The following ASXL3 variants were observed in gnomAD, a reference collection of about 807,000 sequenced individuals.
The protein encoded by ASXL3 is putative Polycomb group protein ASXL3.
Under a neutral mutation model 170.6 loss-of-function variants are expected in ASXL3, and 34 were observed. The ratio of observed to expected loss-of-function variants is 0.20; its 90% CI spans 0.15 to 0.27. ASXL3 has a LOEUF of 0.27. Ranked by LOEUF, ASXL3 falls within the 10% of genes least tolerant of loss-of-function variation. The pLI is 1.00. For synonymous variants in ASXL3, 1,002 were observed against 989.1 expected (o/e 1.01, Z -0.24); for missense variants, 2,592 against 2,695.3 (o/e 0.96, Z 0.85).
chr18:33,687,786 TAA>T lies in ASXL3; in HGVS notation c.879+4219_879+4220del, dbSNP rs1017182524. Among the ~76,000 whole-genome samples the T allele has an allele frequency of 1.3e-4, 20 of 152,304 alleles. No individual in the cohort carries two copies. The East Asian group carries it at 2.9e-3, about 22-fold the overall frequency. ...ACATTGCTGCATCTAGTTTTATACT[TAA>T]GTTTATTCTTCACACATACTGCAAG... On this transcript the variant is annotated intron_variant, in intron 8 of 11. Transcript: ENST00000269197.
intron 8 of ASXL3, among the ~76,000 whole-genome samples, chr18:33,690,553 T>C (rs1373464303): frequency 6.6e-6 from 1 of 152,198 alleles, no homozygotes; most frequent in Non-Finnish European, 1.5e-5. Flanking sequence ...TATTTCCAGA[T>C]AGCTCTATCT....
chr18:33,715,541 G>C (rs1431738807), intron 8 of ASXL3, among the ~76,000 whole-genome samples: 1 of 152,150 alleles, frequency 6.6e-6, no homozygotes, highest in East Asian at 1.9e-4. Context: ...TTTTGCTGTA[G>C]AAATGGGCCC....
Position 33,740,338 on chromosome 18 carries a change from G to A in ASXL3, c.2934G>A (p.Lys978=). Residue 978 remains lysine, a synonymous_variant, in exon 11 of 12, where the codon AAG becomes AAA. Coordinates refer to ENST00000269197, the MANE Select transcript of ASXL3 (RefSeq NM_030632.3). The stretch of plus-strand genomic sequence containing the variant: ...ACAGCTTTGGAATCTGTAAGGAAAA[G>A]AGAGCTAGGATAGAAGATGATCAGT... The part of the protein sequence containing the change: ...EQHSFGICKE[K]RARIEDDQST... The A allele has an allele frequency of 6.2e-7, 1 of 1,611,118 alleles. No individual in the cohort carries two copies. The highest frequency in any genetic ancestry group is 8.5e-7 in the Non-Finnish European group (1 of 1,178,428).
intron 2 of ASXL3, among the ~76,000 whole-genome samples, chr18:33,633,819 T>TG (rs1169207715): frequency 7.9e-6 from 1 of 127,028 alleles, no homozygotes; most frequent in African/African-American, 3.1e-5. Context: ...CATTACAGCC[T>TG]GGCGGCACAG....
chr18:33,578,652 GA>G lies in ASXL3; in HGVS notation c.23del (p.Lys8ArgfsTer13). 7.3e-7 allele frequency: 1 copy of G among 1,365,160 alleles called. No homozygotes were observed. The highest frequency in any genetic ancestry group is 9.7e-7 in the Non-Finnish European group (1 of 1,033,612). 84.6% of individuals were successfully genotyped at this position (1,365,160 alleles called of 1,614,324 possible). A position where few individuals can be genotyped will look rare whatever the true frequency, so the allele number is the denominator to read the frequency against. Reference protein sequence around the residue: MKDKRKKKDRTWAEAARL... With the variant: MKDKRKKXDRTWAEAARL... ...CAAACATGAAAGACAAGAGGAAGAA[GA>G]AGGACCGCACCTGGGCCGAGGCTGC... On this transcript the variant is annotated frameshift_variant, in exon 1 of 12. Coordinates refer to ENST00000269197, the MANE Select transcript of ASXL3 (RefSeq NM_030632.3). LOFTEE classifies it high-confidence loss of function.
intron 1 of ASXL3, among the ~76,000 whole-genome samples, chr18:33,588,006 TA>T (rs2065047960): frequency 6.6e-6 from 1 of 151,930 alleles, no homozygotes; most frequent in South Asian, 2.1e-4. Flanking sequence ...TGTACAGTTT[TA>T]ATAGTCTGTC....
At chr18:33,718,058 C>T (rs914197136) in intron 8 of ASXL3, among the ~76,000 whole-genome samples, 1 of 152,128 alleles carries the variant, frequency 6.6e-6, no homozygotes, top group African/African-American at 2.4e-5. Context: ...GTTGTTTATA[C>T]TCCCTAACAA....
intron 8 of ASXL3, among the ~76,000 whole-genome samples, chr18:33,686,197 G>T (rs975175797): frequency 6.6e-6 from 1 of 152,134 alleles, no homozygotes; most frequent in Non-Finnish European, 1.5e-5. Flanking sequence ...TTTTTATTCA[G>T]AAATATTTAC....
chr18:33,630,303 T>C (rs2065658966), intron 2 of ASXL3, among the ~76,000 whole-genome samples: 1 of 152,022 alleles, frequency 6.6e-6, no homozygotes, highest in Non-Finnish European at 1.5e-5. Context: ...ATCTGCATTT[T>C]ACATATATAT....
At position 33,743,148 on chromosome 18, in the gene ASXL3, A is replaced by G. The variant is rs372406936; in HGVS notation, c.3300A>G (p.Ala1100=). The G allele has an allele frequency of 1.2e-6, 2 of 1,613,844 alleles. No individual in the cohort carries two copies. The highest frequency in any genetic ancestry group is 1.7e-6 in the Non-Finnish European group (2 of 1,179,890). ...PGEGGKTRTL[A]HIKEQTKAKL... Reference sequence around the variant, plus strand: ...AGGGTGGAAAGACGAGAACTCTGGCACACATCAAAGAGCAGACAAAGGCTA... The same window carrying G: ...AGGGTGGAAAGACGAGAACTCTGGCGCACATCAAAGAGCAGACAAAGGCTA... The change falls in exon 12 of 12, where the codon GCA becomes GCG. Residue 1100 remains alanine (A), a synonymous_variant. Transcript: ENST00000269197.
Position 33,587,319 on chromosome 18 carries a change from C to T in ASXL3, c.54+8634C>T, listed in dbSNP as rs115792610. Reference sequence around the variant, plus strand: ...TACAGCCTTAGATTTATGTTATTTTCTTTTAAAACACATCAAACTAGTTAT... The same window carrying T: ...TACAGCCTTAGATTTATGTTATTTTTTTTTAAAACACATCAAACTAGTTAT... On this transcript the variant is annotated intron_variant, in intron 1 of 11. Transcript: ENST00000269197. Among the ~76,000 whole-genome samples the T allele has an allele frequency of 2.1e-3, 323 of 152,212 alleles. 2 individuals are homozygous for T. Among genetic ancestry groups the T allele is most frequent in the African/African-American group, 7.6e-3 (315 of 41,540 alleles).
intron 4 of ASXL3, among the ~76,000 whole-genome samples, chr18:33,658,045 G>A (rs577313166): frequency 6.6e-6 from 1 of 152,186 alleles, no homozygotes; most frequent in East Asian, 1.9e-4. Flanking sequence ...CTCCTGTTCT[G>A]TTCTGAATGC....
At chr18:33,729,346 A>G (rs1446189296) in intron 8 of ASXL3, among the ~76,000 whole-genome samples, 2 of 151,960 alleles carry the variant, frequency 1.3e-5, no homozygotes, top group Non-Finnish European at 2.9e-5. Context: ...CCAGAGACAA[A>G]CTCTGCATCT....
rs1179499890 is a variant in ASXL3 at position 33,738,755 on chromosome 18, C to A, written c.1351C>A (p.Gln451Lys). The part of the protein sequence containing the change: ...DILIPEESVI[Q>K]EEIAEEVETS... The stretch of plus-strand genomic sequence containing the variant: ...CTTGATCCCTGAAGAATCTGTAATT[C>A]AGGAGGAAATTGCAGAAGAGGTAGA... Residue 451 changes from glutamine (Q) to lysine (K), a missense_variant, in exon 11 of 12, where the codon CAG (glutamine) becomes AAG (lysine). By Grantham distance (53) the Gln-to-Lys change is moderately conservative. Around this residue, in one of 4 missense-constraint regions of ASXL3, gnomAD observed 2,246 missense variants for 2,219.6 expected, o/e 1.01. Transcript: ENST00000269197. The A allele has an allele frequency of 2.5e-6, 4 of 1,613,854 alleles. No individual in the cohort carries two copies. Among genetic ancestry groups the A allele is most frequent in the Non-Finnish European group, 3.4e-6 (4 of 1,179,840 alleles).
intron 8 of ASXL3, among the ~76,000 whole-genome samples, chr18:33,693,189 G>A (rs1323034876): frequency 6.6e-6 from 1 of 152,136 alleles, no homozygotes; most frequent in Non-Finnish European, 1.5e-5. Flanking sequence ...GGAGAAGGAG[G>A]TGCTGAATAC....
In ASXL3 at chr18:33,670,747, G is replaced by T. The variant is rs1368849027; in HGVS notation, c.552G>T (p.Leu184Phe). The change falls in exon 6 of 12, where the codon TTG becomes TTT. Residue 184 changes from leucine to phenylalanine, a missense_variant. Transcript: ENST00000269197. Reference protein sequence around the residue: ...MVNKTVPRVVLTPLKVSDEQS... With the variant: ...MVNKTVPRVVFTPLKVSDEQS... Reference sequence around the variant, plus strand: ...ACAAGACTGTTCCTCGTGTTGTTTTGACACCATTAAAGGTGTCTGATGAGC... The same window carrying T: ...ACAAGACTGTTCCTCGTGTTGTTTTTACACCATTAAAGGTGTCTGATGAGC... 6.4e-7 allele frequency: 1 copy of T among 1,562,832 alleles called. No individual in the cohort carries two copies. Among genetic ancestry groups the T allele is most frequent in the South Asian group, 1.2e-5 (1 of 84,360 alleles).
chr18:33,632,500 A>C (rs2065693271), intron 2 of ASXL3, among the ~76,000 whole-genome samples: 1 of 152,126 alleles, frequency 6.6e-6, no homozygotes, highest in Admixed American at 6.5e-5. Flanking sequence ...TCCAGAACTA[A>C]ATTCATCATA....
chr18:33,717,673 G>A (rs766418133), intron 8 of ASXL3, among the ~76,000 whole-genome samples: 1 of 152,086 alleles, frequency 6.6e-6, no homozygotes, highest in Non-Finnish European at 1.5e-5. Flanking sequence ...GGAATGTCTT[G>A]AATACATCAG....
rs12957087 is a variant in ASXL3, at chr18:33,748,555, C to T, written c.*1960C>T. Reference sequence around the variant, plus strand: ...AGCAATGCACTTAACCAGCCTTACCCGAGGAAAGCAGCATAAGTTCCAGTG... The same window carrying T: ...AGCAATGCACTTAACCAGCCTTACCTGAGGAAAGCAGCATAAGTTCCAGTG... On this transcript the variant is annotated 3_prime_UTR_variant, in exon 12 of 12. Coordinates refer to ENST00000269197, the MANE Select transcript of ASXL3 (RefSeq NM_030632.3). The T allele has an allele frequency of 0.4, 61,047 of 152,014 alleles. 12,735 individuals carry two copies. The highest frequency in any genetic ancestry group is 0.68 in the East Asian group (3,532 of 5,158). The allele number at this position is 152,014 out of a possible 1,614,324, so 9.4% of individuals were successfully genotyped here.
Sources: gnomAD v4.1 joint callset for allele counts (sites outside exome capture counted in the v4.1 genomes callset) on GRCh38, gnomAD v4.1.1 for gene constraint, gnomAD v4.1.1 regional missense constraint, MANE v1.5 for transcripts, NCBI Gene and HGNC (gene_info 2026-07-23, HGNC 2026-07-21) for gene names.